Variants in ECE1 observed in about 807,000 individuals in gnomAD.
The protein encoded by ECE1 is endothelin-converting enzyme 1.
Under a neutral mutation model 98.6 loss-of-function variants are expected in ECE1, and 35 were observed. The observed-to-expected ratio is 0.35, with a 90% CI of 0.27 to 0.47. The LOEUF is 0.47. Ranked by LOEUF, ECE1 falls within the 20% of genes least tolerant of loss-of-function variation. The pLI is 1.00. For synonymous variants in ECE1, 394 were observed against 407.1 expected (o/e 0.97, Z 0.39); for missense variants, 814 against 1,025.3 (o/e 0.79, Z 2.81).
chr1:21,284,069 C>T (rs998827626), intron 2 of ECE1, among the ~76,000 whole-genome samples: 1 of 152,172 alleles, frequency 6.6e-6, no homozygotes, highest in Non-Finnish European at 1.5e-5. Flanking sequence ...AGGGCTGGGC[C>T]GTGAGTCAGG....
At position 21,345,207 on chromosome 1, in the gene ECE1, C is replaced by A. The variant is rs945969786; in HGVS notation, c.3+169G>T. 1.7e-5 allele frequency: 16 copies of A among 923,468 alleles called. No homozygotes were observed. The African/African-American group carries it at 2.5e-4, about 14-fold the overall frequency. 57.2% of individuals were successfully genotyped at this position (923,468 alleles called of 1,614,324 possible). ...GCCGCCGGGAGAGCCGCGCTCTGCC[C>A]GGGCGCTCCCCGACTCCACGCCTTC... On this transcript the variant is annotated intron_variant, in intron 1 of 18. Transcript: ENST00000415912. The surrounding 1 kb of genome is among the most constrained non-coding windows in gnomAD (Gnocchi z 5.1).
At chr1:21,254,294 C>A (rs182289528) in intron 8 of ECE1, among the ~76,000 whole-genome samples, 7 of 151,668 alleles carry the variant, frequency 4.6e-5, no homozygotes, top group Admixed American at 2.0e-4. Context: ...GTACTTAGAA[C>A]ACAGAGGCTG....
chr1:21,231,584 T>C (rs2098181780), intron 14 of ECE1, among the ~76,000 whole-genome samples: 1 of 151,716 alleles, frequency 6.6e-6, no homozygotes, highest in African/African-American at 2.4e-5. Context: ...TCAAGTGATC[T>C]ACCCGCCTTG....
chr1:21,317,482 C>T (rs899493206), intron 1 of ECE1, among the ~76,000 whole-genome samples: 34 of 152,328 alleles, frequency 2.2e-4, no homozygotes, highest in African/African-American at 7.5e-4. Flanking sequence ...CCCGCGGCGA[C>T]GCTGAGCTGG....
intron 3 of ECE1, among the ~76,000 whole-genome samples, chr1:21,274,217 C>G (rs1187727611): frequency 2.6e-5 from 4 of 152,216 alleles, no homozygotes; most frequent in African/African-American, 4.8e-5. Context: ...GAGCTGAGAG[C>G]TGGGCCCAGG....
Position 21,340,761 on chromosome 1 carries a change from A to C in ECE1, c.3+4615T>G, listed in dbSNP as rs1333090051. Among the ~76,000 whole-genome samples the C allele has an allele frequency of 1.3e-5, 2 of 152,192 alleles. No individual in the cohort carries two copies. The highest frequency in any genetic ancestry group is 4.8e-5 in the African/African-American group (2 of 41,440). ...CTGAGGAGAATCACTTGAACCAGGG[A>C]GGCTGAGGCTGCAGTGAGCTGAGAT... On this transcript the variant is annotated intron_variant, in intron 1 of 18. Transcript: ENST00000415912. The surrounding 1 kb of genome is among the most constrained non-coding windows in gnomAD (Gnocchi z 4.6).
At chr1:21,274,532 G>A (rs1410410919) in intron 3 of ECE1, among the ~76,000 whole-genome samples, 1 of 152,218 alleles carries the variant, frequency 6.6e-6, no homozygotes, top group Non-Finnish European at 1.5e-5. Flanking sequence ...GGCCATGGCT[G>A]GGCACGGGGG....
intron 2 of ECE1, among the ~76,000 whole-genome samples, chr1:21,286,855 C>T (rs2098261083): frequency 6.6e-6 from 1 of 151,172 alleles, no homozygotes; most frequent in Non-Finnish European, 1.5e-5. Flanking sequence ...GTCAAGGCTG[C>T]TAGTAAGCCC....
intron 4 of ECE1, among the ~76,000 whole-genome samples, chr1:21,265,614 T>C (rs1026370797): frequency 1.3e-5 from 2 of 152,140 alleles, no homozygotes; most frequent in African/African-American, 2.4e-5. Flanking sequence ...CAACCCTCCA[T>C]AGCCCCTCGT....
chr1:21,279,544 A>T (rs1371616373), intron 2 of ECE1: 1 of 1,450,210 alleles, frequency 6.9e-7, no homozygotes, highest in African/African-American at 1.4e-5. Context: ...CAAACATCAG[A>T]GAGTCAAGCA....
rs537563509 is a variant in ECE1, at chr1:21,220,600, C to T, written c.2137-469G>A. On this transcript the variant is annotated intron_variant, in intron 18 of 18. Transcript: ENST00000374893. The surrounding 1 kb of genome is among the most constrained non-coding windows in gnomAD (Gnocchi z 5.0). ...TCACTTGAGGCCAGGAGTTCGAGACCGGCCTGACAAACATGGTGAAACCCT... is the reference window on the plus strand; with the variant it reads ...TCACTTGAGGCCAGGAGTTCGAGACTGGCCTGACAAACATGGTGAAACCCT... 1.3e-5 allele frequency among the ~76,000 whole-genome samples: 2 copies of T among 152,192 alleles called. No homozygotes were observed. Among genetic ancestry groups the T allele is most frequent in the South Asian group, 4.1e-4 (2 of 4,826 alleles).
At chr1:21,224,964 A>G (rs2038089) in intron 17 of ECE1, among the ~76,000 whole-genome samples, 75,728 of 152,002 alleles carry the variant, frequency 0.5, 20,020 homozygotes, top group African/African-American at 0.68. Flanking sequence ...CCCTGCAGAG[A>G]TGAGAACAGG....
intron 1 of ECE1, among the ~76,000 whole-genome samples, chr1:21,331,974 T>C (rs753233486): frequency 3.9e-5 from 6 of 152,128 alleles, no homozygotes; most frequent in Non-Finnish European, 8.8e-5. Context: ...AGGAGCCTCC[T>C]CAGAAGCAAC....
intron 1 of ECE1, among the ~76,000 whole-genome samples, chr1:21,303,662 T>TG (rs2103381171): frequency 6.6e-6 from 1 of 152,290 alleles, no homozygotes; most frequent in African/African-American, 2.4e-5. Context: ...TTGTTGTTGT[T>TG]TTTTGAGACA....
In ECE1 at chr1:21,227,184, C is replaced by T. The variant is rs367771630; in HGVS notation, c.1824G>A (p.Glu608=). ...CTTGATCATCAAAAGCATGAGTCAGCTCATGGCCCACGACGACACCTATGC... is the reference window on the plus strand; with the variant it reads ...CTTGATCATCAAAAGCATGAGTCAGTTCATGGCCCACGACGACACCTATGC... ...FGGIGVVVGH[E]LTHAFDDQGR... Residue 608 remains glutamate (E), a synonymous_variant, in exon 16 of 19, where the codon GAG becomes GAA. Transcript: ENST00000374893. 4.3e-6 allele frequency: 7 copies of T among 1,614,058 alleles called. No homozygotes were observed. The highest frequency in any genetic ancestry group is 5.9e-6 in the Non-Finnish European group (7 of 1,180,024).
At chr1:21,339,242 A>G (rs1280764261) in intron 1 of ECE1, among the ~76,000 whole-genome samples, 1 of 152,154 alleles carries the variant, frequency 6.6e-6, no homozygotes, top group East Asian at 1.9e-4. Context: ...GAAAAGGTCT[A>G]ACTGTCAAGT....
At chr1:21,285,139 C>T (rs1366559891) in intron 2 of ECE1, among the ~76,000 whole-genome samples, 2 of 152,174 alleles carry the variant, frequency 1.3e-5, no homozygotes, top group African/African-American at 4.8e-5. Flanking sequence ...CTACCCCACC[C>T]AGATGCCTGA....
chr1:21,322,705 G>C lies in ECE1; in HGVS notation c.3+22671C>G, dbSNP rs1437588994. Among the ~76,000 whole-genome samples the C allele has an allele frequency of 6.6e-6, 1 of 152,236 alleles. No homozygotes were observed. Among genetic ancestry groups the C allele is most frequent in the Non-Finnish European group, 1.5e-5 (1 of 68,044 alleles). ...CAAGAAAACCCAGCGATGGAGAGGA[G>C]AGGCACAGGAAAGGGGGCAGACAGA... On this transcript the variant is annotated intron_variant, in intron 1 of 18. Coordinates refer to the ECE1 transcript ENST00000415912. This position sits in a 1 kb window ranked among gnomAD's most constrained non-coding sequence, Gnocchi z 4.1.
intron 4 of ECE1, chr1:21,266,414 G>A (rs904288503): frequency 6.6e-6 from 1 of 152,256 alleles, no homozygotes; most frequent in Non-Finnish European, 1.5e-5. Context: ...TCCTGTGCTG[G>A]GGGGAAGGGG....
Sources: gnomAD v4.1 joint callset for allele counts (sites outside exome capture counted in the v4.1 genomes callset) on GRCh38, gnomAD v4.1.1 for gene constraint, Gnocchi (gnomAD v3.1) non-coding constraint, MANE v1.5 for transcripts, NCBI Gene and HGNC (gene_info 2026-07-23, HGNC 2026-07-21) for gene names.